Variants in ADAMTS13 observed in about 807,000 individuals in gnomAD.
ADAMTS13 encodes A disintegrin and metalloproteinase with thrombospondin motifs 13.
Under a neutral mutation model 155.1 loss-of-function variants are expected in ADAMTS13, and 110 were observed. That is an observed-to-expected ratio of 0.71 (90% CI 0.61 to 0.83). The LOEUF (loss-of-function observed/expected upper bound fraction) is 0.83. Among genes scored for constraint, ADAMTS13 ranks in the 40% least tolerant of loss-of-function variants. The pLI, the probability that ADAMTS13 is intolerant of heterozygous loss-of-function variation, is 0.00. For missense variants in ADAMTS13, 1,707 were observed against 1,891.7 expected, an observed-to-expected ratio of 0.90 and a Z score of 1.81; for synonymous variants, 758 against 756.4, an observed-to-expected ratio of 1.00 and a Z score of -0.03.
Position 133,448,728 on chromosome 9 carries a change from G to A in ADAMTS13, c.2861G>A (p.Arg954Gln), listed in dbSNP as rs200273776. The change falls in exon 22 of 29, where the codon CGG (arginine) becomes CAG (glutamine). Residue 954 changes from arginine to glutamine, a missense_variant and splice_region_variant. Transcript: ENST00000355699. ...EVCQAVPCPARWQYKLAACSV... is the reference protein window; with the variant it reads ...EVCQAVPCPAQWQYKLAACSV... ...TGCCAGGCTGTCCCGTGCCCTGCTC[G>A]GTGAGTGAGGGGAGCAAGACTGTGT... 74 of 1,600,102 alleles carry A rather than the reference G, an allele frequency of 4.6e-5. No individual in the cohort carries two copies. The highest frequency in any genetic ancestry group is 3.8e-4 in the Admixed American group (23 of 59,972).
rs142237685 is a variant in ADAMTS13, at chr9:133,425,604, G to A, written c.406G>A (p.Glu136Lys). The A allele has an allele frequency of 4.5e-5, 73 of 1,613,600 alleles. No homozygotes were observed. The African/African-American group carries it at 9.7e-4, about 21-fold the overall frequency. Residue 136 changes from glutamate to lysine, a missense_variant, in exon 4 of 29, where the codon GAG becomes AAG. Coordinates refer to ENST00000355699, the MANE Select transcript of ADAMTS13 (RefSeq NM_139027.6). This position sits in a 1 kb window ranked among gnomAD's most constrained non-coding sequence, Gnocchi z 4.6. Reference sequence around the variant, plus strand: ...CCTGGTGAAGATGGTCATTCTGACAGAGCCTGAGGTAGGCATGGAGCTGGA... The same window carrying A: ...CCTGGTGAAGATGGTCATTCTGACAAAGCCTGAGGTAGGCATGGAGCTGGA... ...VHLVKMVILT[E>K]PEGAPNITAN...
In ADAMTS13 at chr9:133,456,876, C is replaced by T; in HGVS notation, c.3724+157C>T. On this transcript the variant is annotated intron_variant, in intron 27 of 28. Coordinates refer to ENST00000355699, the MANE Select transcript of ADAMTS13 (RefSeq NM_139027.6). This position sits in a 1 kb window ranked among gnomAD's most constrained non-coding sequence, Gnocchi z 4.4. ...GGAACTGGGGTTGGCCAGTGTCAGTCTGCACGTGCCAGGGAGGGGTCACAG... is the reference window on the plus strand; with the variant it reads ...GGAACTGGGGTTGGCCAGTGTCAGTTTGCACGTGCCAGGGAGGGGTCACAG... The T allele has an allele frequency of 2.1e-6, 2 of 935,630 alleles. No individual in the cohort carries two copies. Among genetic ancestry groups the T allele is most frequent in the Non-Finnish European group, 3.3e-6 (2 of 598,532 alleles). The allele number at this position is 935,630 out of a possible 1,614,324, so 58.0% of individuals were successfully genotyped here.
chr9:133,418,370 G>GCTGCTCCTTGCT (rs879599852), upstream of ADAMTS13, among the ~76,000 whole-genome samples: 3 of 152,226 alleles, frequency 2.0e-5, no homozygotes, highest in Non-Finnish European at 4.4e-5. Context: ...CCCGCCTTGG[G>GCTGCTCCTTGCT]CTGCTCCTTG....
intron 11 of ADAMTS13, among the ~76,000 whole-genome samples, chr9:133,435,977 C>CTTTTT (rs781795173): frequency 2.3e-5 from 3 of 128,386 alleles, no homozygotes; most frequent in Non-Finnish European, 3.3e-5. Context: ...CTTTTCTCTT[C>CTTTTT]TTTTTTTTTT....
intron 6 of ADAMTS13, among the ~76,000 whole-genome samples, chr9:133,428,116 T>G (rs774374356): frequency 6.6e-6 from 1 of 152,148 alleles, no homozygotes; most frequent in Non-Finnish European, 1.5e-5. Context: ...AGTTCCGCTT[T>G]GGGTAAAGCA....
At position 133,456,741 on chromosome 9, in the gene ADAMTS13, C is replaced by A; in HGVS notation, c.3724+22C>A. The stretch of plus-strand genomic sequence containing the variant: ...AGAGGTATGGCCAGGCCTTCTCCAC[C>A]TCCCTTGGGTGCTCCAGTCCTGGCA... On this transcript the variant is annotated intron_variant, in intron 27 of 28. Transcript: ENST00000355699. This position sits in a 1 kb window ranked among gnomAD's most constrained non-coding sequence, Gnocchi z 4.4. 6.4e-7 allele frequency: 1 copy of A among 1,552,090 alleles called. No homozygotes were observed. Among genetic ancestry groups the A allele is most frequent in the South Asian group, 1.2e-5 (1 of 84,154 alleles).
chr9:133,458,059 G>T lies in ADAMTS13; in HGVS notation c.3874G>T (p.Ala1292Ser). Reference sequence around the variant, plus strand: ...CCATGCCCTGGCCACCAACATGGGCGCTGGGACCGAGGGAGCCAATGCCAG... The same window carrying T: ...CCATGCCCTGGCCACCAACATGGGCTCTGGGACCGAGGGAGCCAATGCCAG... The part of the protein sequence containing the change: ...AIHALATNMG[A>S]GTEGANASYI... Residue 1292 changes from alanine to serine, a missense_variant, in exon 28 of 29, where the codon GCT becomes TCT. Transcript: ENST00000355699. 6.2e-7 allele frequency: 1 copy of T among 1,613,410 alleles called. No individual in the cohort carries two copies. Among genetic ancestry groups the T allele is most frequent in the East Asian group, 2.2e-5 (1 of 44,886 alleles).
intron 1 of ADAMTS13, among the ~76,000 whole-genome samples, chr9:133,416,449 G>A (rs915661694): frequency 6.6e-6 from 1 of 152,218 alleles, no homozygotes; most frequent in Non-Finnish European, 1.5e-5. Context: ...CTGAGCTCAA[G>A]TGATCCTCCT....
rs985512453 is a variant in ADAMTS13, at chr9:133,441,482, C to T, written c.1969-917C>T. ...GCATATTCCCTGAATCAGGACTTCC[C>T]TGTGTTGGGCCTGAGAAACCGCACC... On this transcript the variant is annotated intron_variant, in intron 16 of 28. Coordinates refer to ENST00000355699, the MANE Select transcript of ADAMTS13 (RefSeq NM_139027.6). This position sits in a 1 kb window ranked among gnomAD's most constrained non-coding sequence, Gnocchi z 5.0. 6.6e-6 allele frequency among the ~76,000 whole-genome samples: 1 copy of T among 152,232 alleles called. No individual in the cohort carries two copies. Among genetic ancestry groups the T allele is most frequent in the Admixed American group, 6.5e-5 (1 of 15,288 alleles).
chr9:133,453,334 G>A (rs988011831), intron 23 of ADAMTS13, among the ~76,000 whole-genome samples: 1 of 152,206 alleles, frequency 6.6e-6, no homozygotes, highest in Non-Finnish European at 1.5e-5. Flanking sequence ...TACTTGGGAG[G>A]CTGAGGCAGG....
At position 133,456,039 on chromosome 9, in the gene ADAMTS13, CT is replaced by C. The variant is rs781951440; in HGVS notation, c.3401-29del. On this transcript the variant is annotated intron_variant, in intron 25 of 28. Coordinates refer to ENST00000355699, the MANE Select transcript of ADAMTS13 (RefSeq NM_139027.6). This position sits in a 1 kb window ranked among gnomAD's most constrained non-coding sequence, Gnocchi z 4.4. Reference sequence around the variant, plus strand: ...TGCCCTGCTGGGAATCGGGGAAGCACTGCTTACCTGTCTCCTGCTCCCTTTT... The same window carrying C: ...TGCCCTGCTGGGAATCGGGGAAGCACGCTTACCTGTCTCCTGCTCCCTTTT... The C allele has an allele frequency of 1.2e-6, 2 of 1,612,938 alleles. No individual in the cohort carries two copies. The highest frequency in any genetic ancestry group is 1.7e-6 in the Non-Finnish European group (2 of 1,180,026).
Position 133,425,245 on chromosome 9 carries a change from C to T in ADAMTS13, c.331-284C>T, listed in dbSNP as rs1029592749. Among the ~76,000 whole-genome samples, 2 of 152,348 alleles carry T rather than the reference C, an allele frequency of 1.3e-5. No individual in the cohort carries two copies. The highest frequency in any genetic ancestry group is 2.9e-5 in the Non-Finnish European group (2 of 68,046). On this transcript the variant is annotated intron_variant, in intron 3 of 28. Transcript: ENST00000355699. This position sits in a 1 kb window ranked among gnomAD's most constrained non-coding sequence, Gnocchi z 4.6. ...GCGATCTGAGAGGAGCAGCGTTTGA[C>T]CGGAATATCCGACTCGTGACCATCT... is the stretch of plus-strand genomic sequence containing the variant.
chr9:133,417,265 C>T (rs1839690855), upstream of ADAMTS13, among the ~76,000 whole-genome samples: 1 of 152,270 alleles, frequency 6.6e-6, no homozygotes, highest in Non-Finnish European at 1.5e-5. Context: ...GATCTGCCCG[C>T]CTCGGCCTCC....
At chr9:133,432,506 G>T (rs1398601539) in intron 8 of ADAMTS13, 82 bp from the exon 9 acceptor site, 8 of 1,224,982 alleles carry the variant, frequency 6.5e-6, no homozygotes, top group South Asian at 1.3e-5. Flanking sequence ...CCTGCAGTCT[G>T]GGAGGGACAG....
chr9:133,421,018 C>A (rs886232709), upstream of ADAMTS13, among the ~76,000 whole-genome samples: 3 of 152,222 alleles, frequency 2.0e-5, no homozygotes, highest in Admixed American at 6.5e-5. Flanking sequence ...GTAATCCCAG[C>A]ACTTTGGGAG....
chr9:133,438,380 C>A lies in ADAMTS13; in HGVS notation c.1705+14C>A. 1 of 1,613,334 alleles carries A rather than the reference C, an allele frequency of 6.2e-7. No individual in the cohort carries two copies. The highest frequency in any genetic ancestry group is 1.1e-5 in the South Asian group (1 of 91,066). On this transcript the variant is annotated intron_variant, in intron 14 of 28. Coordinates refer to ENST00000355699, the MANE Select transcript of ADAMTS13 (RefSeq NM_139027.6). ...GCAGAGCGAGAGGTAGGCGGCCTCC[C>A]TCGGGGCAGAGGCTGGGCTTCCCCC...
At chr9:133,428,568 T>TACCCC in intron 6 of ADAMTS13, 66 bp from the exon 7 acceptor site, 1 of 124,986 alleles carries the variant, frequency 8.0e-6, no homozygotes, top group Non-Finnish European at 1.6e-5. Flanking sequence ...CCGACCCCCG[T>TACCCC]CCCGCCCCCA....
Position 133,433,409 on chromosome 9 carries a change from T to C in ADAMTS13, c.1124T>C (p.Val375Ala), listed in dbSNP as rs1554788071. ...TCCAAGGGTCGCTGCCGCTCCCTGG[T>C]GGAGCTGACCCCCATAGCAGCAGTG... ...WCSKGRCRSL[V>A]ELTPIAAVHG... is the part of the protein sequence containing the mutation. The change falls in exon 10 of 29, where the codon GTG becomes GCG. Residue 375 changes from valine to alanine, a missense_variant. Physicochemically the swap from Val to Ala is moderately conservative, Grantham distance 64. Around this residue, in one of 3 missense-constraint regions of ADAMTS13, gnomAD observed 733 missense variants for 749.6 expected, o/e 0.98. Coordinates refer to ENST00000355699, the MANE Select transcript of ADAMTS13 (RefSeq NM_139027.6). 6.2e-7 allele frequency: 1 copy of C among 1,613,160 alleles called. No individual in the cohort carries two copies.
At position 133,432,662 on chromosome 9, in the gene ADAMTS13, C is replaced by G; in HGVS notation, c.1062C>G (p.Leu354=). 1.9e-6 allele frequency: 3 copies of G among 1,559,958 alleles called. No homozygotes were observed. Among genetic ancestry groups the G allele is most frequent in the Non-Finnish European group, 2.6e-6 (3 of 1,151,280 alleles). ...GCTGCAGCCGCCTCCTCGTTCCTCTCCTGGATGGGACAGAATGTGGCGTGG... is the reference window on the plus strand; with the variant it reads ...GCTGCAGCCGCCTCCTCGTTCCTCTGCTGGATGGGACAGAATGTGGCGTGG... ...QSSCSRLLVP[L]LDGTECGVEK... The change falls in exon 9 of 29, where the codon CTC becomes CTG. Residue 354 remains leucine, a synonymous_variant. Transcript: ENST00000355699.
Sources: allele counts gnomAD v4.1 joint callset (sites outside exome capture counted in the v4.1 genomes callset), GRCh38; gene constraint gnomAD v4.1.1; regional missense constraint gnomAD v4.1.1; non-coding constraint Gnocchi (gnomAD v3.1); transcripts MANE v1.5; gene names NCBI Gene and HGNC (gene_info 2026-07-23, HGNC 2026-07-21).